The following TRIP11 variants were observed in gnomAD, a reference collection of about 807,000 sequenced individuals.
TRIP11 encodes the protein thyroid hormone receptor interactor 11.
Under a neutral mutation model 223.1 loss-of-function variants are expected in TRIP11, and 148 were observed. The observed-to-expected ratio is 0.66, with a 90% CI of 0.58 to 0.76. The LOEUF (loss-of-function observed/expected upper bound fraction) is 0.76. Ranked by LOEUF, TRIP11 falls within the 30% of genes least tolerant of loss-of-function variation. TRIP11 has a pLI of 0.00. For missense variants in TRIP11, 2,043 were observed against 2,222.0 expected (o/e 0.92, Z 1.62); for synonymous variants, 762 against 772.6 (o/e 0.99, Z 0.23).
At chr14:92,013,561 C>A (rs925970238) in intron 7 of TRIP11, among the ~76,000 whole-genome samples, 5 of 152,152 alleles carry the variant, frequency 3.3e-5, no homozygotes, top group African/African-American at 1.2e-4. Context: ...GCAATTATGA[C>A]TGGCTGAAGT....
rs1434416240 is a variant in TRIP11 at position 92,014,401 on chromosome 14, T to C, written c.1000A>G (p.Arg334Gly). 1.2e-6 allele frequency: 2 copies of C among 1,613,090 alleles called. No homozygotes were observed. Among genetic ancestry groups the C allele is most frequent in the Non-Finnish European group, 8.5e-7 (1 of 1,179,598 alleles). ...TCCACATTTAGCTGTTCTTGTTCTC[T>C]CCTCAAAATATCTCTGTCATTTTCT... The part of the protein sequence containing the change: ...SAENDRDILR[R>G]EQEQLNVEKR... Residue 334 changes from arginine (R) to glycine (G), a missense_variant, in exon 7 of 21, where the codon AGA becomes GGA. Coordinates refer to ENST00000267622, the MANE Select transcript of TRIP11 (RefSeq NM_004239.4).
chr14:91,971,573 AAAG>A lies in TRIP11; in HGVS notation c.5719+1141_5719+1143del, dbSNP rs201699321. On this transcript the variant is annotated intron_variant, in intron 20 of 20. Transcript: ENST00000267622. ...GAAAGGAGGGAGAGGGAGGGAGAAT[AAAG>A]AAGGAGAAGGGAAGAAAAGGGAAAG... Among the ~76,000 whole-genome samples the A allele has an allele frequency of 6.4e-3, 966 of 152,100 alleles. 8 individuals are homozygous for A. The highest frequency in any genetic ancestry group is 0.021 in the African/African-American group (888 of 41,492).
chr14:91,998,704 A>AGGGTACC, intron 13 of TRIP11, among the ~76,000 whole-genome samples: 1 of 149,870 alleles, frequency 6.7e-6, no homozygotes, highest in Non-Finnish European at 1.5e-5. Flanking sequence ...AAAAAAAAAA[A>AGGGTACC]CAAGAAAAAA....
intron 16 of TRIP11, among the ~76,000 whole-genome samples, chr14:91,979,124 G>A (rs2056504686): frequency 6.6e-6 from 1 of 152,008 alleles, no homozygotes; most frequent in African/African-American, 2.4e-5. Flanking sequence ...GGGTGTGGCG[G>A]CATGAACCTG....
At chr14:91,989,389 CT>C (rs2140098670) in intron 15 of TRIP11, among the ~76,000 whole-genome samples, 2 of 151,990 alleles carry the variant, frequency 1.3e-5, no homozygotes, top group African/African-American at 4.8e-5. Context: ...ATTAGATAAG[CT>C]ATCCTTTTTC....
rs533026853 is a variant in TRIP11, at chr14:92,034,070, T to C, written c.140-817A>G. 9.1e-4 allele frequency among the ~76,000 whole-genome samples: 138 copies of C among 152,312 alleles called. 1 individual carries two copies. Among genetic ancestry groups the C allele is most frequent in the African/African-American group, 3.2e-3 (133 of 41,570 alleles). On this transcript the variant is annotated intron_variant, in intron 1 of 20. Transcript: ENST00000267622. ...CCTCTGTATGTGTTTTACTGTCTGC[T>C]TTTTCTGGCTGCTTGTAGTTAGAAG...
At chr14:92,030,129 G>A (rs868615998) in intron 2 of TRIP11, among the ~76,000 whole-genome samples, 2 of 149,626 alleles carry the variant, frequency 1.3e-5, no homozygotes, top group East Asian at 2.0e-4. Flanking sequence ...CCCGGGAGGC[G>A]GAGCTTGCAG....
At chr14:92,025,761 T>G (rs1268961238) in intron 2 of TRIP11, among the ~76,000 whole-genome samples, 2 of 151,210 alleles carry the variant, frequency 1.3e-5, no homozygotes, top group African/African-American at 4.9e-5. Context: ...GTGCCCGTAA[T>G]CCCAGCTACT....
Position 92,003,951 on chromosome 14 carries a change from G to C in TRIP11, c.4025C>G (p.Ser1342Cys), listed in dbSNP as rs867338573. 1 of 1,614,020 alleles carries C rather than the reference G, an allele frequency of 6.2e-7. No homozygotes were observed. The highest frequency in any genetic ancestry group is 1.7e-5 in the Admixed American group (1 of 60,010). The change falls in exon 11 of 21, where the codon TCT becomes TGT. Residue 1342 changes from serine (S) to cysteine (C), a missense_variant. Physicochemically the swap from Ser to Cys is moderately radical, Grantham distance 112 (BLOSUM62 -1). Transcript: ENST00000267622. ...TTCTAACTCTTGCTGAAGCAATTCA[G>C]AAGATTCACTCAATACTTCAGACTT... is the stretch of plus-strand genomic sequence containing the variant. ...ASKSEVLSES[S>C]ELLQQELEEL... is the part of the protein sequence containing the mutation.
intron 2 of TRIP11, chr14:92,026,447 T>C: frequency 4.5e-6 from 3 of 665,690 alleles, no homozygotes; most frequent in Non-Finnish European, 8.2e-6. Context: ...TGAAAAGCCA[T>C]CTTTGCATTG....
At chr14:91,976,227 G>A (rs1274026741) in intron 16 of TRIP11, 38 bp from the exon 17 acceptor site, 2 of 1,541,390 alleles carry the variant, frequency 1.3e-6, no homozygotes, top group Non-Finnish European at 8.9e-7. Flanking sequence ...GCCATTAACT[G>A]ATTAAAATAG....
intron 14 of TRIP11, among the ~76,000 whole-genome samples, chr14:91,995,009 ATCTC>A (rs2056730686): frequency 1.3e-5 from 2 of 152,212 alleles, no homozygotes; most frequent in South Asian, 2.1e-4. Context: ...GTATGTGCGT[ATCTC>A]TCTTTCTTTG....
intron 11 of TRIP11, 79 bp downstream of exon 11, chr14:92,003,340 G>A (rs2056851513): frequency 6.4e-7 from 1 of 1,556,932 alleles, no homozygotes; most frequent in African/African-American, 1.4e-5. Context: ...CCCCTTCAAA[G>A]ACAATATAAA....
At chr14:92,019,046 C>A (rs2057076949) in intron 4 of TRIP11, among the ~76,000 whole-genome samples, 2 of 145,186 alleles carry the variant, frequency 1.4e-5, no homozygotes, top group African/African-American at 5.0e-5. Flanking sequence ...TAATTATTAA[C>A]ATAATAATAT....
chr14:92,024,598 C>T (rs2057158276), intron 3 of TRIP11, among the ~76,000 whole-genome samples: 1 of 152,130 alleles, frequency 6.6e-6, no homozygotes, highest in Non-Finnish European at 1.5e-5. Context: ...AATTAGAAAG[C>T]ATGACACCTA....
At position 92,014,503 on chromosome 14, in the gene TRIP11, C is replaced by A; in HGVS notation, c.898G>T (p.Glu300Ter). The A allele has an allele frequency of 6.3e-7, 1 of 1,596,330 alleles. No individual in the cohort carries two copies. The highest frequency in any genetic ancestry group is 8.5e-7 in the Non-Finnish European group (1 of 1,175,656). Residue 300 changes from glutamate to a stop codon, truncating the protein, a stop_gained, in exon 7 of 21, where the codon GAA (glutamate) becomes TAA (stop). Transcript: ENST00000267622. LOFTEE classifies it high-confidence loss of function. Reference protein sequence around the residue: ...MQKTIQVLQIEKVESTKKMEQ... With the variant: ...MQKTIQVLQI Reference sequence around the variant, plus strand: ...ATTTTTTTGGTAGACTCCACTTTTTCTATTTGTAGAACTTGAATAGTTTTT... The same window carrying A: ...ATTTTTTTGGTAGACTCCACTTTTTATATTTGTAGAACTTGAATAGTTTTT...
chr14:92,017,540 T>C (rs938023704), intron 5 of TRIP11, 142 bp downstream of exon 5: 63 of 675,130 alleles, frequency 9.3e-5, no homozygotes, highest in Non-Finnish European at 1.6e-4. Context: ...AGTGAGATCC[T>C]ATCTCTAAAA....
chr14:91,977,536 G>A (rs1450890597), intron 16 of TRIP11, among the ~76,000 whole-genome samples: 1 of 151,748 alleles, frequency 6.6e-6, no homozygotes, highest in African/African-American at 2.4e-5. Flanking sequence ...GAAATCAATT[G>A]ACCATAAATG....
chr14:91,999,132 A>G, intron 13 of TRIP11, 108 bp downstream of exon 13: 1 of 1,227,984 alleles, frequency 8.1e-7, no homozygotes, highest in Non-Finnish European at 1.1e-6. Flanking sequence ...TCCATAAAAT[A>G]CAGATAATGA....
Sources: allele counts gnomAD v4.1 joint callset (sites outside exome capture counted in the v4.1 genomes callset), GRCh38; gene constraint gnomAD v4.1.1; transcripts MANE v1.5; gene names NCBI Gene and HGNC (gene_info 2026-07-23, HGNC 2026-07-21).